The following SPOCK1 variants were observed in gnomAD, a reference collection of about 807,000 sequenced individuals.
SPOCK1 encodes testican-1.
In SPOCK1, 23 loss-of-function variants were observed where a neutral mutation model predicts 55.3. The observed-to-expected ratio is 0.42, with a 90% confidence interval of 0.30 to 0.59. SPOCK1 has a LOEUF of 0.59. Ranked by LOEUF, SPOCK1 falls within the 20% of genes least tolerant of loss-of-function variation. SPOCK1 has a pLI of 0.22. For missense variants in SPOCK1, 499 were observed against 552.5 expected, an observed-to-expected ratio of 0.90 and a Z score of 0.97; for synonymous variants, 226 against 221.0, an observed-to-expected ratio of 1.02 and a Z score of -0.20.
chr5:137,498,437 T>C lies in SPOCK1; in HGVS notation c.122A>G (p.Asn41Ser), dbSNP rs1303678366. 6.2e-7 allele frequency: 1 copy of C among 1,611,220 alleles called. No homozygotes were observed. Among genetic ancestry groups the C allele is most frequent in the Admixed American group, 1.7e-5 (1 of 59,876 alleles). ...AGPNHGNFLD[N>S]DQWLSTVSQY... ...GGAGACGGTGCTCAGCCACTGGTCA[T>C]TGTCTAGGAAATTGCCGTGGTTGGG... Residue 41 changes from asparagine (N) to serine (S), a missense_variant, in exon 2 of 11, where the codon AAT (asparagine) becomes AGT (serine). Coordinates refer to ENST00000394945, the MANE Select transcript of SPOCK1 (RefSeq NM_004598.4).
intron 6 of SPOCK1, among the ~76,000 whole-genome samples, chr5:137,004,882 C>G (rs972098458): frequency 6.6e-6 from 1 of 152,276 alleles, no homozygotes; most frequent in East Asian, 1.9e-4. Context: ...ACTTCTTGTT[C>G]AGCAAGAACT....
At chr5:137,372,666 G>A (rs906220797) in intron 2 of SPOCK1, among the ~76,000 whole-genome samples, 9 of 152,178 alleles carry the variant, frequency 5.9e-5, no homozygotes, top group African/African-American at 2.2e-4. Flanking sequence ...GATACAATTA[G>A]GTAAGGATTC....
intron 6 of SPOCK1, among the ~76,000 whole-genome samples, chr5:137,005,958 A>G (rs1417044431): frequency 6.6e-6 from 1 of 152,168 alleles, no homozygotes; most frequent in Admixed American, 6.5e-5. Context: ...ACCTAAATAA[A>G]GTTACTGGGT....
intron 2 of SPOCK1, among the ~76,000 whole-genome samples, chr5:137,417,300 T>C (rs1752357222): frequency 6.6e-6 from 1 of 151,908 alleles, no homozygotes; most frequent in East Asian, 1.9e-4. Flanking sequence ...TTTTACATTT[T>C]ACTCTGACGT....
At position 137,120,904 on chromosome 5, in the gene SPOCK1, G is replaced by A. The variant is rs192642439; in HGVS notation, c.348-8343C>T. On this transcript the variant is annotated intron_variant, in intron 4 of 10. Transcript: ENST00000394945. The stretch of plus-strand genomic sequence containing the variant: ...ATCTCCCAAGTGCAGGAAGGAGGCT[G>A]AAGAAAGGAGTTACCTAGATAAAAT... Among the ~76,000 whole-genome samples the A allele has an allele frequency of 1.3e-3, 196 of 152,334 alleles. 1 individual carries two copies. Among genetic ancestry groups the A allele is most frequent in the African/African-American group, 4.2e-3 (174 of 41,570 alleles).
intron 3 of SPOCK1, among the ~76,000 whole-genome samples, chr5:137,197,676 A>C (rs892612): frequency 0.86 from 130,693 of 152,156 alleles, 56,217 homozygotes; most frequent in African/African-American, 0.91. Flanking sequence ...AATACATTTT[A>C]ATTGAGACGT....
At chr5:137,256,353 C>T (rs1756631513) in intron 3 of SPOCK1, among the ~76,000 whole-genome samples, 1 of 152,116 alleles carries the variant, frequency 6.6e-6, no homozygotes, top group African/African-American at 2.4e-5. Flanking sequence ...GTATCATAGA[C>T]TGGGTAATTT....
At chr5:137,005,275 C>A (rs1170984457) in intron 6 of SPOCK1, among the ~76,000 whole-genome samples, 6 of 151,966 alleles carry the variant, frequency 3.9e-5, no homozygotes, top group Non-Finnish European at 7.4e-5. Context: ...CACAAGGCTT[C>A]CTTTTGAATA....
chr5:137,227,458 C>G (rs144530947), intron 3 of SPOCK1, among the ~76,000 whole-genome samples: 28 of 152,310 alleles, frequency 1.8e-4, no homozygotes, highest in African/African-American at 6.5e-4. Context: ...AGTACATCAT[C>G]ATCAGAGGGT....
At chr5:137,310,310 A>C (rs1434745528) in intron 2 of SPOCK1, among the ~76,000 whole-genome samples, 4 of 152,198 alleles carry the variant, frequency 2.6e-5, no homozygotes, top group Non-Finnish European at 5.9e-5. Context: ...AGCTTTTCTG[A>C]GCTCAGGAAA....
At chr5:137,384,062 G>T (rs951396288) in intron 2 of SPOCK1, among the ~76,000 whole-genome samples, 1 of 152,228 alleles carries the variant, frequency 6.6e-6, no homozygotes, top group Admixed American at 6.5e-5. Context: ...TTCCAAGGCT[G>T]CCCTCTGAGT....
intron 2 of SPOCK1, among the ~76,000 whole-genome samples, chr5:137,279,075 G>A (rs1757124694): frequency 6.6e-6 from 1 of 152,088 alleles, no homozygotes; most frequent in African/African-American, 2.4e-5. Context: ...GGACCTCAAT[G>A]CCCGATGACA....
rs1198066072 is a variant in SPOCK1, at chr5:137,340,679, A to C, written c.187-73624T>G. ...GTGGATCACTTGAGGTCAGGAGTTC[A>C]AGACCAGCCTGGCCAACATGGCAAA... On this transcript the variant is annotated intron_variant, in intron 2 of 10. Transcript: ENST00000394945. Among the ~76,000 whole-genome samples, 4 of 152,098 alleles carry C rather than the reference A, an allele frequency of 2.6e-5. No homozygotes were observed. In the East Asian group the frequency reaches 5.8e-4, roughly 22 times the overall value.
chr5:136,997,096 G>C (rs1299286898), intron 6 of SPOCK1, among the ~76,000 whole-genome samples: 1 of 152,140 alleles, frequency 6.6e-6, no homozygotes, highest in Non-Finnish European at 1.5e-5. Context: ...TTACCCTACT[G>C]TTTCTACACG....
At chr5:137,027,800 A>C (rs1751706241) in intron 6 of SPOCK1, among the ~76,000 whole-genome samples, 2 of 151,262 alleles carry the variant, frequency 1.3e-5, no homozygotes, top group Non-Finnish European at 3.0e-5. Flanking sequence ...TGCACCCCTC[A>C]TTCTCTCTTG....
rs548658270 is a variant in SPOCK1 at position 137,290,869 on chromosome 5, C to T, written c.187-23814G>A. Among the ~76,000 whole-genome samples, 9 of 152,294 alleles carry T rather than the reference C, an allele frequency of 5.9e-5. No individual in the cohort carries two copies. The South Asian group carries it at 1.9e-3, about 32-fold the overall frequency. On this transcript the variant is annotated intron_variant, in intron 2 of 10. Transcript: ENST00000394945. ...TGACAGGTCTGGAAAGCCAGAAAGGCACAAGGGAAGCCTAGTACTGGCACA... is the reference window on the plus strand; with the variant it reads ...TGACAGGTCTGGAAAGCCAGAAAGGTACAAGGGAAGCCTAGTACTGGCACA...
At chr5:136,996,597 G>A (rs192929801) in intron 6 of SPOCK1, among the ~76,000 whole-genome samples, 38 of 152,208 alleles carry the variant, frequency 2.5e-4, no homozygotes, top group African/African-American at 8.7e-4. Flanking sequence ...CTACTGAGAG[G>A]TGAAGCCAGC....
chr5:137,357,120 A>G (rs1467492935), intron 2 of SPOCK1, among the ~76,000 whole-genome samples: 2 of 151,844 alleles, frequency 1.3e-5, no homozygotes, highest in Non-Finnish European at 2.9e-5. Context: ...CATCTTCCCT[A>G]TAGAAACTCC....
intron 2 of SPOCK1, among the ~76,000 whole-genome samples, chr5:137,362,055 C>T (rs1750958928): frequency 6.6e-6 from 1 of 152,118 alleles, no homozygotes; most frequent in South Asian, 2.1e-4. Context: ...AGATCCAAAA[C>T]TACGAGGGAT....
Sources: allele counts gnomAD v4.1 joint callset (sites outside exome capture counted in the v4.1 genomes callset), GRCh38; gene constraint gnomAD v4.1.1; transcripts MANE v1.5; gene names NCBI Gene and HGNC (gene_info 2026-07-23, HGNC 2026-07-21).